Variants in B3GALT1 observed in about 807,000 individuals in gnomAD.
B3GALT1 encodes the protein UDP-Gal:betaGlcNAc beta 1,3-galactosyltransferase, polypeptide 1.
Under a neutral mutation model 23.2 loss-of-function variants are expected in B3GALT1, and 10 were observed. That is an observed-to-expected ratio of 0.43 (90% CI 0.27 to 0.73). B3GALT1 has a LOEUF of 0.73. Ranked by LOEUF, B3GALT1 falls within the 30% of genes least tolerant of loss-of-function variation. B3GALT1 has a pLI of 0.21. For missense variants in B3GALT1, 299 were observed against 405.4 expected, an observed-to-expected ratio of 0.74 and a Z score of 2.25; for synonymous variants, 156 against 141.5, an observed-to-expected ratio of 1.10 and a Z score of -0.73.
intron 1 of B3GALT1, among the ~76,000 whole-genome samples, chr2:167,423,848 G>A (rs1421840933): frequency 6.6e-6 from 1 of 152,060 alleles, no homozygotes; most frequent in Admixed American, 6.6e-5. Context: ...AAGCAAGGAG[G>A]TTTCTCTTTT....
intron 4 of B3GALT1, among the ~76,000 whole-genome samples, chr2:167,835,511 G>T (rs964291177): frequency 3.9e-5 from 6 of 152,244 alleles, no homozygotes; most frequent in Non-Finnish European, 7.3e-5. Flanking sequence ...TGCTTGCTTA[G>T]GTAAACAAAG....
intron 2 of B3GALT1, among the ~76,000 whole-genome samples, chr2:167,498,811 G>A (rs1363530849): frequency 6.6e-6 from 1 of 152,010 alleles, no homozygotes; most frequent in Non-Finnish European, 1.5e-5. Flanking sequence ...TCCCCATCAT[G>A]CTGCCCCTAT....
At chr2:167,652,546 C>G (rs1558937637) in intron 3 of B3GALT1, among the ~76,000 whole-genome samples, 1 of 152,200 alleles carries the variant, frequency 6.6e-6, no homozygotes, top group Non-Finnish European at 1.5e-5. Context: ...CAGTAGTCTT[C>G]TTAAAGTTCC....
At chr2:167,702,956 T>C (rs1239576098) in intron 3 of B3GALT1, among the ~76,000 whole-genome samples, 1 of 152,188 alleles carries the variant, frequency 6.6e-6, no homozygotes, top group Admixed American at 6.5e-5. Flanking sequence ...GTGCATCTAG[T>C]TTAGATCCCA....
At chr2:167,534,606 G>A (rs1683383932) in intron 2 of B3GALT1, among the ~76,000 whole-genome samples, 1 of 152,140 alleles carries the variant, frequency 6.6e-6, no homozygotes, top group Non-Finnish European at 1.5e-5. Flanking sequence ...CACAAGGAAT[G>A]CATCAAAAAG....
At position 167,587,669 on chromosome 2, in the gene B3GALT1, CA is replaced by C. The variant is rs1423104844; in HGVS notation, c.-409-59239del. 3.3e-5 allele frequency among the ~76,000 whole-genome samples: 5 copies of C among 152,178 alleles called. No homozygotes were observed. The East Asian group carries it at 9.6e-4, about 29-fold the overall frequency. ...TTTCTTTACTTCACAAGATATGGCA[CA>C]TAAAGTCTATTCTCCTTGAATACTG... On this transcript the variant is annotated intron_variant, in intron 2 of 4. Transcript: ENST00000392690.
At chr2:167,741,794 T>G (rs1687580454) in intron 3 of B3GALT1, among the ~76,000 whole-genome samples, 1 of 152,194 alleles carries the variant, frequency 6.6e-6, no homozygotes, top group Non-Finnish European at 1.5e-5. Flanking sequence ...AACCAAAATC[T>G]TGACTACAAT....
intron 4 of B3GALT1, among the ~76,000 whole-genome samples, chr2:167,831,428 A>G (rs574977521): frequency 1.3e-5 from 2 of 152,346 alleles, no homozygotes; most frequent in African/African-American, 2.4e-5. Context: ...CTCAAAATTC[A>G]TATCTTTGGG....
intron 1 of B3GALT1, among the ~76,000 whole-genome samples, chr2:167,400,370 A>G (rs909696943): frequency 6.6e-6 from 1 of 152,034 alleles, no homozygotes; most frequent in Non-Finnish European, 1.5e-5. Flanking sequence ...AAATCTTTTT[A>G]GTCAGATCTC....
intron 2 of B3GALT1, among the ~76,000 whole-genome samples, chr2:167,507,504 C>CAAAAA (rs60408245): frequency 7.5e-5 from 2 of 26,610 alleles, no homozygotes; most frequent in African/African-American, 1.7e-4. Context: ...GACTCCGTCT[C>CAAAAA]AAAAAAAAAA....
At chr2:167,472,412 C>A (rs1239111805) in intron 1 of B3GALT1, among the ~76,000 whole-genome samples, 1 of 152,142 alleles carries the variant, frequency 6.6e-6, no homozygotes, top group African/African-American at 2.4e-5. Context: ...CAGCATCCTA[C>A]CAACACCTTC....
intron 2 of B3GALT1, among the ~76,000 whole-genome samples, chr2:167,638,313 G>T (rs1685593904): frequency 6.6e-6 from 1 of 151,984 alleles, no homozygotes; most frequent in African/African-American, 2.4e-5. Flanking sequence ...ACTAGCATTG[G>T]CATGGCAGTC....
At chr2:167,696,988 G>A (rs1558951777) in intron 3 of B3GALT1, among the ~76,000 whole-genome samples, 1 of 152,146 alleles carries the variant, frequency 6.6e-6, no homozygotes, top group Non-Finnish European at 1.5e-5. Flanking sequence ...TACTTTGCAT[G>A]CTGTCTTGAA....
At chr2:167,809,234 C>G (rs1418471379) in intron 3 of B3GALT1, among the ~76,000 whole-genome samples, 6 of 152,178 alleles carry the variant, frequency 3.9e-5, no homozygotes, top group Admixed American at 6.5e-5. Flanking sequence ...TTCGAAATTC[C>G]TCCTTTAGCT....
chr2:167,377,990 A>G (rs1697791201), intron 1 of B3GALT1, among the ~76,000 whole-genome samples: 1 of 152,116 alleles, frequency 6.6e-6, no homozygotes, highest in Non-Finnish European at 1.5e-5. Context: ...AAACTCCCTT[A>G]GGCATCCCTT....
In B3GALT1 at chr2:167,355,369, G is replaced by A. The variant is rs540517187; in HGVS notation, c.-511+62035G>A. Among the ~76,000 whole-genome samples, 6 of 152,350 alleles carry A rather than the reference G, an allele frequency of 3.9e-5. No homozygotes were observed. The South Asian group carries it at 1.0e-3, about 26-fold the overall frequency. On this transcript the variant is annotated intron_variant, in intron 1 of 4. Transcript: ENST00000392690. ...AATTGCATTACATGGGTGAGGAAGT[G>A]AGGATTGGTGGGCCCAGTGCTTTCA...
At chr2:167,309,629 C>T (rs996682742) in intron 1 of B3GALT1, among the ~76,000 whole-genome samples, 11 of 152,086 alleles carry the variant, frequency 7.2e-5, no homozygotes, top group African/African-American at 2.6e-4. Context: ...TTCTCTTTTG[C>T]TTTTGAAATC....
At chr2:167,533,236 T>C (rs1368354015) in intron 2 of B3GALT1, among the ~76,000 whole-genome samples, 1 of 152,174 alleles carries the variant, frequency 6.6e-6, no homozygotes, top group Non-Finnish European at 1.5e-5. Context: ...TCCAGTGTAA[T>C]ATCCACAATA....
Position 167,837,210 on chromosome 2 carries a change from C to G in B3GALT1, c.-230+18417C>G, listed in dbSNP as rs1010795517. On this transcript the variant is annotated intron_variant, in intron 4 of 4. Transcript: ENST00000392690. ...TTTAAATGTAAATAGACTAAATGCT[C>G]CAATTAAAAGACACAGACTGGAAAA... Among the ~76,000 whole-genome samples, 3 of 152,230 alleles carry G rather than the reference C, an allele frequency of 2.0e-5. No individual in the cohort carries two copies. The South Asian group carries it at 6.2e-4, about 32-fold the overall frequency.
Sources: gnomAD v4.1 joint callset for allele counts (sites outside exome capture counted in the v4.1 genomes callset) on GRCh38, gnomAD v4.1.1 for gene constraint, MANE v1.5 for transcripts, NCBI Gene and HGNC (gene_info 2026-07-23, HGNC 2026-07-21) for gene names.